Variants in DYNC2H1 observed in about 807,000 individuals in gnomAD.
DYNC2H1 encodes dynein cytoplasmic 2 heavy chain 1, also known as cytoplasmic dynein 2 heavy chain 1.
DYNC2H1 carries 410 observed loss-of-function variants against 570.0 expected under a neutral mutation model. The observed-to-expected ratio is 0.72, with a 90% CI of 0.66 to 0.78. The LOEUF (loss-of-function observed/expected upper bound fraction) is 0.78. Among genes scored for constraint, DYNC2H1 ranks in the 30% least tolerant of loss-of-function variants. The pLI, the probability that DYNC2H1 is intolerant of heterozygous loss-of-function variation, is 0.00. For missense variants in DYNC2H1, 4,865 were observed against 5,046.4 expected, an observed-to-expected ratio of 0.96 and a Z score of 1.09; for synonymous variants, 1,688 against 1,677.6, an observed-to-expected ratio of 1.01 and a Z score of -0.15.
intron 84 of DYNC2H1, among the ~76,000 whole-genome samples, chr11:103,410,097 A>G (rs1943018982): frequency 6.6e-6 from 1 of 152,076 alleles, no homozygotes; most frequent in Non-Finnish European, 1.5e-5. Context: ...ATTAAGCTAC[A>G]CTTTGGTTTG....
intron 17 of DYNC2H1, among the ~76,000 whole-genome samples, chr11:103,139,809 G>A (rs1322875481): frequency 6.6e-6 from 1 of 152,086 alleles, no homozygotes; most frequent in Non-Finnish European, 1.5e-5. Context: ...AATGTTGACA[G>A]TGGGGTGTTA....
chr11:103,410,187 G>A (rs931135168), intron 84 of DYNC2H1, among the ~76,000 whole-genome samples: 8 of 152,000 alleles, frequency 5.3e-5, no homozygotes, highest in Admixed American at 6.6e-5. Context: ...TAGTAATAGG[G>A]ATTTCTAGAA....
intron 70 of DYNC2H1, among the ~76,000 whole-genome samples, chr11:103,267,685 T>C (rs1370417111): frequency 6.6e-6 from 1 of 152,088 alleles, no homozygotes; most frequent in Non-Finnish European, 1.5e-5. Flanking sequence ...TGGAACTATA[T>C]AGAAAGGAAA....
At chr11:103,424,957 A>G (rs1378972944) in intron 84 of DYNC2H1, among the ~76,000 whole-genome samples, 2 of 152,114 alleles carry the variant, frequency 1.3e-5, no homozygotes, top group Non-Finnish European at 2.9e-5. Flanking sequence ...TTTTGTAGAG[A>G]CAGGGTCTCA....
chr11:103,307,164 G>A (rs931593276), intron 77 of DYNC2H1, among the ~76,000 whole-genome samples: 2 of 152,176 alleles, frequency 1.3e-5, no homozygotes, highest in African/African-American at 4.8e-5. Context: ...AAAGCCCACA[G>A]TATGAGAAGC....
chr11:103,354,453 T>C (rs1331454225), intron 82 of DYNC2H1, among the ~76,000 whole-genome samples: 1 of 152,128 alleles, frequency 6.6e-6, no homozygotes, highest in East Asian at 1.9e-4. Flanking sequence ...CCAACTTAAA[T>C]ATGATTGTTT....
intron 75 of DYNC2H1, among the ~76,000 whole-genome samples, chr11:103,288,038 T>A (rs1866420236): frequency 6.6e-6 from 1 of 152,036 alleles, no homozygotes; most frequent in African/African-American, 2.4e-5. Flanking sequence ...ATAGGGGTTT[T>A]CAAGCGAGGT....
intron 84 of DYNC2H1, among the ~76,000 whole-genome samples, chr11:103,411,470 C>T: frequency 6.7e-6 from 1 of 148,770 alleles, no homozygotes; most frequent in Non-Finnish European, 1.5e-5. Context: ...AATATGATTT[C>T]TGGGCAAATT....
chr11:103,473,317 C>T (rs1945450994), intron 88 of DYNC2H1, among the ~76,000 whole-genome samples: 1 of 136,010 alleles, frequency 7.4e-6, no homozygotes, highest in Non-Finnish European at 1.5e-5. Flanking sequence ...GATGGAGTCT[C>T]ACTCTGTCTC....
chr11:103,338,741 G>A (rs1241460215), intron 82 of DYNC2H1, among the ~76,000 whole-genome samples: 3 of 152,162 alleles, frequency 2.0e-5, no homozygotes, highest in Non-Finnish European at 2.9e-5. Flanking sequence ...CTTGAAGTTT[G>A]TTGAGCTTCA....
intron 83 of DYNC2H1, among the ~76,000 whole-genome samples, chr11:103,380,629 C>G (rs1161252111): frequency 6.6e-6 from 1 of 152,106 alleles, no homozygotes; most frequent in Non-Finnish European, 1.5e-5. Context: ...GGTGCGATCT[C>G]AGCTCACTGG....
Position 103,207,758 on chromosome 11 carries a change from A to AT in DYNC2H1, c.8455-2117dup, listed in dbSNP as rs1248934038. Among the ~76,000 whole-genome samples, 6 of 152,228 alleles carry AT rather than the reference A, an allele frequency of 3.9e-5. No individual in the cohort carries two copies. The East Asian group carries it at 1.2e-3, about 29-fold the overall frequency. ...TAGTTGTGTGTTTTTTTCTCAAGCCATAGGTGCTTTGATGGATGCAGACCT... is the reference window on the plus strand; with the variant it reads ...TAGTTGTGTGTTTTTTTCTCAAGCCATTAGGTGCTTTGATGGATGCAGACCT... On this transcript the variant is annotated intron_variant, in intron 52 of 88. Coordinates refer to ENST00000375735, the MANE Select transcript of DYNC2H1 (RefSeq NM_001377.3).
chr11:103,117,555 C>A, intron 5 of DYNC2H1, 76 bp from the exon 6 acceptor site: 1 of 1,180,974 alleles, frequency 8.5e-7, no homozygotes, highest in Non-Finnish European at 1.1e-6. Context: ...AAAATATTGT[C>A]ATAAGCATGT....
rs1254042434 is a variant in DYNC2H1, at chr11:103,154,785, A to C, written c.3549A>C (p.Leu1183Phe). 6.4e-7 allele frequency: 1 copy of C among 1,552,100 alleles called. No individual in the cohort carries two copies. The highest frequency in any genetic ancestry group is 1.7e-4 in the Middle Eastern group (1 of 5,976). ...AACATTCAGTGATGACAGTGAAATT[A>C]CAATCAGAGGTTGACAAATATAAAG... Reference protein sequence around the residue: ...VEEHSVMTVKLQSEVDKYKIV... With the variant: ...VEEHSVMTVKFQSEVDKYKIV... The change falls in exon 24 of 89, where the codon TTA becomes TTC. Residue 1183 changes from leucine to phenylalanine, a missense_variant. By Grantham distance (22) the Leu-to-Phe change is conservative (BLOSUM62 0). This residue lies in a region of DYNC2H1 where 1,936 missense variants were observed against 1,962.1 expected (regional missense o/e 0.99). Transcript: ENST00000375735.
At chr11:103,373,216 T>C (rs1374228715) in intron 83 of DYNC2H1, among the ~76,000 whole-genome samples, 1 of 152,176 alleles carries the variant, frequency 6.6e-6, no homozygotes, top group Non-Finnish European at 1.5e-5. Flanking sequence ...TTTACAGGCA[T>C]GAGTGACCAT....
At chr11:103,190,746 A>G (rs1862269112) in intron 45 of DYNC2H1, among the ~76,000 whole-genome samples, 1 of 152,134 alleles carries the variant, frequency 6.6e-6, no homozygotes. Flanking sequence ...CTGTCCATAG[A>G]GAGGAAGGGA....
At chr11:103,160,572 G>A (rs890519612) in intron 28 of DYNC2H1, among the ~76,000 whole-genome samples, 13 of 151,998 alleles carry the variant, frequency 8.6e-5, no homozygotes, top group Non-Finnish European at 1.3e-4. Context: ...TGATTGGTAC[G>A]TAGTAGTTGA....
intron 70 of DYNC2H1, among the ~76,000 whole-genome samples, chr11:103,260,903 G>C (rs938691202): frequency 6.6e-6 from 1 of 150,952 alleles, no homozygotes; most frequent in Non-Finnish European, 1.5e-5. Context: ...ATAGATATGA[G>C]CCTCCATGCC....
In DYNC2H1 at chr11:103,201,635, G is replaced by A. The variant is rs1350774545; in HGVS notation, c.8197+1481G>A. On this transcript the variant is annotated intron_variant, in intron 50 of 88. Transcript: ENST00000375735. This position sits in a 1 kb window ranked among gnomAD's most constrained non-coding sequence, Gnocchi z 4.8. Reference sequence around the variant, plus strand: ...GTCTCTGCAACCTGAACTAAGAACTGTTGCTACTCTTCTCCTGTGGCTCTG... The same window carrying A: ...GTCTCTGCAACCTGAACTAAGAACTATTGCTACTCTTCTCCTGTGGCTCTG... 6.6e-6 allele frequency among the ~76,000 whole-genome samples: 1 copy of A among 152,122 alleles called. No individual in the cohort carries two copies. The highest frequency in any genetic ancestry group is 2.4e-5 in the African/African-American group (1 of 41,430).
Sources: allele counts gnomAD v4.1 joint callset (sites outside exome capture counted in the v4.1 genomes callset), GRCh38; gene constraint gnomAD v4.1.1; regional missense constraint gnomAD v4.1.1; non-coding constraint Gnocchi (gnomAD v3.1); transcripts MANE v1.5; gene names NCBI Gene and HGNC (gene_info 2026-07-23, HGNC 2026-07-21).